OPRM1: variants seen among roughly 807,000 people sequenced by gnomAD.
OPRM1 encodes mu-type opioid receptor.
OPRM1 carries 27 observed loss-of-function variants against 31.8 expected under a neutral mutation model. The ratio of observed to expected loss-of-function variants is 0.85; its 90% CI spans 0.63 to 1.17. OPRM1 has a LOEUF of 1.17. Among genes scored for constraint, OPRM1 ranks in the 50% most tolerant of loss-of-function variants. The probability of loss-of-function intolerance (pLI) is 0.00; values close to 1 mark genes in which losing one functional copy is unlikely to be tolerated. For missense variants in OPRM1, 536 were observed against 511.1 expected (o/e 1.05, Z -0.47); for synonymous variants, 196 against 189.9 (o/e 1.03, Z -0.26).
chr6:154,081,160 G>C (rs1016004065), intron 1 of OPRM1, among the ~76,000 whole-genome samples: 3 of 152,240 alleles, frequency 2.0e-5, no homozygotes, highest in African/African-American at 7.2e-5. Flanking sequence ...CAGAGAGGTT[G>C]TGAGTCAGTT....
intron 1 of OPRM1, among the ~76,000 whole-genome samples, chr6:154,083,138 G>C (rs1215760010): frequency 6.6e-6 from 1 of 152,152 alleles, no homozygotes; most frequent in Non-Finnish European, 1.5e-5. Context: ...GGCTATAATG[G>C]AAGTATCTCT....
intron 1 of OPRM1, among the ~76,000 whole-genome samples, chr6:154,088,506 T>C (rs1268987947): frequency 6.6e-6 from 1 of 152,196 alleles, no homozygotes; most frequent in East Asian, 1.9e-4. Context: ...AACTTTGCCA[T>C]TGTAGCATCA....
At chr6:154,208,179 C>T (rs568470006) in intron 3 of OPRM1, among the ~76,000 whole-genome samples, 68 of 150,860 alleles carry the variant, frequency 4.5e-4, no homozygotes, top group Admixed American at 1.4e-3. Flanking sequence ...ATGCCCTCCA[C>T]GATATGGCTA....
intron 3 of OPRM1, among the ~76,000 whole-genome samples, chr6:154,198,912 T>G (rs910584089): frequency 6.6e-6 from 1 of 152,200 alleles, no homozygotes; most frequent in African/African-American, 2.4e-5. Flanking sequence ...CTGCTCAGTA[T>G]CTTCCATCAG....
At chr6:154,090,201 G>A (rs201122495) in intron 2 of OPRM1, 23 bp downstream of exon 2, 33 of 1,526,186 alleles carry the variant, frequency 2.2e-5, no homozygotes, top group Non-Finnish European at 2.8e-5. Context: ...ACCAGCCTGA[G>A]GGAAGGAGGG....
At chr6:154,053,710 C>A (rs1782642915) in intron 1 of OPRM1, among the ~76,000 whole-genome samples, 1 of 152,170 alleles carries the variant, frequency 6.6e-6, no homozygotes, top group Admixed American at 6.5e-5. Context: ...TAAATGACTG[C>A]CCTTTGATCT....
chr6:154,152,347 G>GAAAGAAAGAAAGAAAGAAA, intron 3 of OPRM1, among the ~76,000 whole-genome samples: 979 of 64,844 alleles, frequency 0.015, 35 homozygotes, highest in South Asian at 0.047. Flanking sequence ...AAGAAAGAAA[G>GAAAGAAAGAAAGAAAGAAA]GAAAGAAAGA....
At chr6:154,031,821 A>G (rs554947468) in intron 1 of OPRM1, among the ~76,000 whole-genome samples, 36 of 152,006 alleles carry the variant, frequency 2.4e-4, no homozygotes, top group Non-Finnish European at 4.4e-4. Flanking sequence ...AAAAACAGAG[A>G]AGAAAGAGCA....
chr6:154,018,351 C>T (rs1046543632), intron 1 of OPRM1, among the ~76,000 whole-genome samples: 23 of 152,032 alleles, frequency 1.5e-4, no homozygotes, highest in African/African-American at 5.6e-4. Context: ...ACCTAGGAGG[C>T]AGAGGTTGCA....
chr6:154,107,997 C>A, intron 3 of OPRM1: 2 of 615,118 alleles, frequency 3.3e-6, no homozygotes, highest in South Asian at 2.2e-5. Flanking sequence ...TATTGCCATT[C>A]ATTCAACCGT....
chr6:154,180,166 T>C (rs1800709085), intron 3 of OPRM1, among the ~76,000 whole-genome samples: 1 of 152,126 alleles, frequency 6.6e-6, no homozygotes, highest in South Asian at 2.1e-4. Flanking sequence ...CAAAGGAGTA[T>C]GTCCAAAATC....
upstream of OPRM1, among the ~76,000 whole-genome samples, chr6:154,038,829 G>A (rs1003780863): frequency 7.2e-5 from 11 of 152,130 alleles, no homozygotes; most frequent in African/African-American, 2.7e-4. Flanking sequence ...GAAAATAAAG[G>A]ATCGCTGTTG....
At chr6:154,066,388 C>T (rs948174808) in intron 1 of OPRM1, among the ~76,000 whole-genome samples, 22 of 151,854 alleles carry the variant, frequency 1.4e-4, no homozygotes, top group African/African-American at 5.3e-4. Flanking sequence ...CCAATGAAGC[C>T]ATCAGGACCA....
intron 1 of OPRM1, among the ~76,000 whole-genome samples, chr6:154,029,247 C>T (rs1285039506): frequency 6.6e-6 from 1 of 151,796 alleles, no homozygotes; most frequent in African/African-American, 2.4e-5. Context: ...AGTATATGAG[C>T]AATGTGACAA....
At chr6:154,173,884 G>T (rs2128559480) in intron 3 of OPRM1, among the ~76,000 whole-genome samples, 2 of 152,292 alleles carry the variant, frequency 1.3e-5, no homozygotes, top group South Asian at 4.2e-4. Flanking sequence ...ATTCATCAAG[G>T]TTGAAATGAA....
At chr6:154,136,912 T>G (rs1798074910), downstream of OPRM1, among the ~76,000 whole-genome samples, 1 of 152,228 alleles carries the variant, frequency 6.6e-6, no homozygotes, top group Non-Finnish European at 1.5e-5. Context: ...AAAGTGTCTT[T>G]GAAAGCAGCT....
intron 3 of OPRM1, among the ~76,000 whole-genome samples, chr6:154,245,753 A>G (rs1338730600): frequency 6.6e-6 from 1 of 152,176 alleles, no homozygotes; most frequent in Non-Finnish European, 1.5e-5. Flanking sequence ...CTCTCCTGAG[A>G]GCAGCAATCA....
At chr6:154,239,043 G>A (rs1398039465) in intron 3 of OPRM1, among the ~76,000 whole-genome samples, 3 of 152,002 alleles carry the variant, frequency 2.0e-5, no homozygotes, top group South Asian at 2.1e-4. Flanking sequence ...GAGCTAAGAA[G>A]ACTGTCCTCT....
At chr6:154,154,652 A>C (rs1309938291) in intron 3 of OPRM1, 1 of 152,284 alleles carries the variant, frequency 6.6e-6, no homozygotes, top group Non-Finnish European at 1.5e-5. Context: ...AGAAAGCAAC[A>C]CTGCAGGACA....
Sources: allele counts gnomAD v4.1 joint callset (sites outside exome capture counted in the v4.1 genomes callset), GRCh38; gene constraint gnomAD v4.1.1; transcripts MANE v1.5; gene names NCBI Gene and HGNC (gene_info 2026-07-23, HGNC 2026-07-21).